The following GSTA4 variants were observed in gnomAD, a reference collection of about 807,000 sequenced individuals.
GSTA4 encodes glutathione S-transferase alpha 4.
Under a neutral mutation model 24.4 loss-of-function variants are expected in GSTA4, and 15 were observed. That is an observed-to-expected ratio of 0.61 (90% CI 0.41 to 0.95). The LOEUF (loss-of-function observed/expected upper bound fraction) is 0.95, where lower values mean the gene tolerates loss of function less well. Ranked by LOEUF, GSTA4 falls within the 40% of genes least tolerant of loss-of-function variation. The pLI, the probability that GSTA4 is intolerant of heterozygous loss-of-function variation, is 0.00. For missense variants in GSTA4, 244 were observed against 262.1 expected (o/e 0.93, Z 0.48); for synonymous variants, 92 against 94.2 (o/e 0.98, Z 0.13).
chr6:52,995,046 C>T (rs1025629045), intron 1 of GSTA4: 2 of 152,548 alleles, frequency 1.3e-5, no homozygotes, highest in African/African-American at 4.8e-5. Context: ...CCAAGAAGGA[C>T]CCCAGCTCCA....
chr6:52,984,360 TG>T, intron 5 of GSTA4, 103 bp downstream of exon 5: 1 of 1,080,800 alleles, frequency 9.3e-7, no homozygotes, highest in Non-Finnish European at 1.3e-6. Context: ...TTAGTTCAAC[TG>T]GGCTCAGTTT....
chr6:52,993,454 G>A (rs1033889633), intron 2 of GSTA4, among the ~76,000 whole-genome samples: 1 of 152,142 alleles, frequency 6.6e-6, no homozygotes, highest in Admixed American at 6.5e-5. Context: ...CAGACTGAAG[G>A]TTAGATGACA....
chr6:52,987,381 CTTT>C lies in GSTA4; in HGVS notation c.112_114del (p.Lys38del). On this transcript the variant is annotated inframe_deletion, in exon 3 of 7. Transcript: ENST00000370963. ...CCATCCTGCAACTTGTACAACTGTT[CTTT>C]TGTTTCCAGAAATTCTTCATCAAAC... 1 of 1,588,510 alleles carries C rather than the reference CTTT, an allele frequency of 6.3e-7. No homozygotes were observed. Among genetic ancestry groups the C allele is most frequent in the South Asian group, 1.1e-5 (1 of 89,772 alleles).
chr6:52,989,094 T>C (rs1763617567), intron 2 of GSTA4, among the ~76,000 whole-genome samples: 1 of 152,176 alleles, frequency 6.6e-6, no homozygotes, highest in African/African-American at 2.4e-5. Flanking sequence ...GTGATGAGAG[T>C]GACCTCTGGT....
At position 52,982,683 on chromosome 6, in the gene GSTA4, C is replaced by T. The variant is rs1472836665; in HGVS notation, c.437G>A (p.Ser146Asn). 2 of 1,612,716 alleles carry T rather than the reference C, an allele frequency of 1.2e-6. No individual in the cohort carries two copies. The highest frequency in any genetic ancestry group is 1.7e-5 in the Admixed American group (1 of 59,956). The change falls in exon 6 of 7, where the codon AGC becomes AAC. Residue 146 changes from serine (S) to asparagine (N), a missense_variant. Transcript: ENST00000370963. ...GCTCAGCTGATTACCAACAAGAAAG[C>T]TTTGTCCGTGACCCCTTAAAATCTG... ...FEKILRGHGQ[S>N]FLVGNQLSLA...
At chr6:52,994,822 C>T (rs1763737811) in intron 1 of GSTA4, among the ~76,000 whole-genome samples, 1 of 152,202 alleles carries the variant, frequency 6.6e-6, no homozygotes, top group Non-Finnish European at 1.5e-5. Context: ...GTGTCCACCA[C>T]CCCTACAGGG....
intron 4 of GSTA4, among the ~76,000 whole-genome samples, chr6:52,984,808 A>G (rs554405694): frequency 5.5e-4 from 84 of 152,250 alleles, no homozygotes; most frequent in African/African-American, 1.9e-3. Flanking sequence ...GTCACAGATC[A>G]GACAGCTTGA....
Position 52,982,662 on chromosome 6 carries a change from A to T in GSTA4, c.458T>A (p.Leu153Gln), listed in dbSNP as rs1763473486. The change falls in exon 6 of 7, where the codon CTG (leucine) becomes CAG (glutamine). Residue 153 changes from leucine to glutamine, a missense_variant. Leu to Gln is a moderately radical substitution (Grantham distance 113, BLOSUM62 -2). Coordinates refer to ENST00000370963, the MANE Select transcript of GSTA4 (RefSeq NM_001512.4). ...HGQSFLVGNQ[L>Q]SLADVILLQT... ...GAGTAAAATCACATCTGCAAGGCTC[A>T]GCTGATTACCAACAAGAAAGCTTTG... The T allele has an allele frequency of 6.2e-7, 1 of 1,611,252 alleles. No homozygotes were observed. Among genetic ancestry groups the T allele is most frequent in the African/African-American group, 1.3e-5 (1 of 74,904 alleles).
Position 52,978,456 on chromosome 6 carries a change from A to T in GSTA4, c.*14T>A. On this transcript the variant is annotated 3_prime_UTR_variant, in exon 7 of 7. Coordinates refer to ENST00000370963, the MANE Select transcript of GSTA4 (RefSeq NM_001512.4). ...TCTAGGAACACACTGTCACTCACAC[A>T]TGGATGTGTTGTTTTATGGCCTAAA... is the stretch of plus-strand genomic sequence containing the variant. 6.2e-7 allele frequency: 1 copy of T among 1,612,744 alleles called. No homozygotes were observed. The highest frequency in any genetic ancestry group is 8.5e-7 in the Non-Finnish European group (1 of 1,179,130).
Position 52,978,502 on chromosome 6 carries a change from C to T in GSTA4, c.637G>A (p.Val213Met). The change falls in exon 7 of 7, where the codon GTG (valine) becomes ATG (methionine). Residue 213 changes from valine (V) to methionine (M), a missense_variant. Transcript: ENST00000370963. ...KKKPPPDEIY[V>M]RTVYNIFRP ...CTAAAGATGTTGTAGACGGTTCTCA[C>T]ATAAATTTCATCAGGGGGAGGCTTC... The T allele has an allele frequency of 2.5e-6, 4 of 1,613,664 alleles. No individual in the cohort carries two copies.
intron 6 of GSTA4, among the ~76,000 whole-genome samples, chr6:52,979,684 GCTA>G (rs3063727): frequency 0.56 from 85,464 of 151,750 alleles, 24,366 homozygotes; most frequent in East Asian, 0.74. Context: ...ATTTTAAATA[GCTA>G]CTATTTATTA....
intron 2 of GSTA4, among the ~76,000 whole-genome samples, chr6:52,992,066 T>G (rs1763672360): frequency 6.6e-6 from 1 of 151,642 alleles, no homozygotes; most frequent in East Asian, 1.9e-4. Flanking sequence ...TTAATACCAT[T>G]TTTCTATTGA....
At chr6:52,985,005 A>G (rs1370315417) in intron 4 of GSTA4, among the ~76,000 whole-genome samples, 1 of 152,168 alleles carries the variant, frequency 6.6e-6, no homozygotes, top group East Asian at 1.9e-4. Context: ...AAATCACATG[A>G]CACTATGAGA....
intron 6 of GSTA4, among the ~76,000 whole-genome samples, chr6:52,980,417 GC>G (rs1763430332): frequency 6.6e-6 from 1 of 151,696 alleles, no homozygotes. Context: ...TGATTCTCCT[GC>G]CTCAGCCTCC....
rs375237965 is a variant in GSTA4, at chr6:52,987,386, G to A, written c.110C>T (p.Thr37Ile). 11 of 1,585,748 alleles carry A rather than the reference G, an allele frequency of 6.9e-6. No homozygotes were observed. Among genetic ancestry groups the A allele is most frequent in the African/African-American group, 1.3e-5 (1 of 74,240 alleles). The change falls in exon 3 of 7, where the codon ACA becomes ATA. Residue 37 changes from threonine (T) to isoleucine (I), a missense_variant. Transcript: ENST00000370963. ...GVEFDEEFLE[T>I]KEQLYKLQDG... ...CTGCAACTTGTACAACTGTTCTTTT[G>A]TTTCCAGAAATTCTTCATCAAACTA...
chr6:52,991,825 T>C (rs1763667373), intron 2 of GSTA4, among the ~76,000 whole-genome samples: 1 of 149,124 alleles, frequency 6.7e-6, no homozygotes, highest in Admixed American at 6.7e-5. Context: ...TGGGGCAATC[T>C]CGGCTCACTG....
chr6:52,985,420 A>G (rs747564306), intron 4 of GSTA4, 31 bp downstream of exon 4: 4 of 1,604,044 alleles, frequency 2.5e-6, no homozygotes, highest in African/African-American at 1.3e-5. Flanking sequence ...GTAAGCTGAC[A>G]AGTGACAACA....
chr6:52,984,365 T>A (rs1366574063), intron 5 of GSTA4, 99 bp downstream of exon 5: 2 of 1,131,610 alleles, frequency 1.8e-6, no homozygotes, highest in Non-Finnish European at 2.5e-6. Flanking sequence ...TCAACTGGGC[T>A]CAGTTTTAAA....
intron 1 of GSTA4, 100 bp from the exon 2 acceptor site, chr6:52,994,361 C>T (rs1037150341): frequency 1.7e-6 from 1 of 581,774 alleles, no homozygotes; most frequent in Non-Finnish European, 3.1e-6. Flanking sequence ...GATTTTGGCA[C>T]GGGAAACTGT....
Sources: allele counts gnomAD v4.1 joint callset (sites outside exome capture counted in the v4.1 genomes callset), GRCh38; gene constraint gnomAD v4.1.1; transcripts MANE v1.5; gene names NCBI Gene and HGNC (gene_info 2026-07-23, HGNC 2026-07-21).